The following FRMD4A variants were observed in gnomAD, a reference collection of about 807,000 sequenced individuals.
FRMD4A encodes FERM domain containing 4A.
Under a neutral mutation model 129.1 loss-of-function variants are expected in FRMD4A, and 29 were observed. That is an observed-to-expected ratio of 0.22 (90% CI 0.17 to 0.31). The LOEUF (loss-of-function observed/expected upper bound fraction) is 0.31, where lower values mean the gene tolerates loss of function less well. Ranked by LOEUF, FRMD4A falls within the 10% of genes least tolerant of loss-of-function variation. The probability of loss-of-function intolerance (pLI) is 1.00; values close to 1 mark genes in which losing one functional copy is unlikely to be tolerated. For missense variants in FRMD4A, 1,272 were observed against 1,375.8 expected (o/e 0.92, Z 1.19); for synonymous variants, 634 against 571.6 (o/e 1.11, Z -1.56).
intron 2 of FRMD4A, among the ~76,000 whole-genome samples, chr10:14,004,602 G>A (rs909484666): frequency 6.6e-6 from 1 of 152,088 alleles, no homozygotes; most frequent in Non-Finnish European, 1.5e-5. Context: ...ACAAAGACAG[G>A]CAATCTTAAA....
chr10:13,740,326 C>CAT (rs1280914962), intron 10 of FRMD4A, 75 bp from the exon 11 acceptor site: 5 of 1,042,422 alleles, frequency 4.8e-6, no homozygotes, highest in African/African-American at 1.6e-5. Flanking sequence ...GATCTGGTAT[C>CAT]ATATATATAT....
At chr10:14,231,435 C>T (rs749068009) in intron 2 of FRMD4A, among the ~76,000 whole-genome samples, 8 of 152,038 alleles carry the variant, frequency 5.3e-5, no homozygotes, top group Non-Finnish European at 7.4e-5. Context: ...CTCCACCTCC[C>T]GGGTTCACAC....
chr10:13,954,290 A>G (rs1040435720), intron 2 of FRMD4A, among the ~76,000 whole-genome samples: 1 of 152,212 alleles, frequency 6.6e-6, no homozygotes, highest in Non-Finnish European at 1.5e-5. Flanking sequence ...AAGTGGTTTA[A>G]TGGACTCACG....
intron 14 of FRMD4A, among the ~76,000 whole-genome samples, chr10:13,698,483 A>G (rs2086453199): frequency 6.6e-6 from 1 of 152,374 alleles, no homozygotes; most frequent in East Asian, 1.9e-4. Flanking sequence ...TATAAAGAAC[A>G]TTCCAGAAAC....
chr10:14,170,314 G>A (rs1156730370), intron 2 of FRMD4A, among the ~76,000 whole-genome samples: 3 of 152,258 alleles, frequency 2.0e-5, no homozygotes, highest in South Asian at 2.1e-4. Flanking sequence ...AGGACTCGCC[G>A]GACATGATTC....
chr10:13,733,421 A>G (rs1012270109), intron 12 of FRMD4A, among the ~76,000 whole-genome samples: 1 of 151,068 alleles, frequency 6.6e-6, no homozygotes, highest in Non-Finnish European at 1.5e-5. Flanking sequence ...GCTTTCCCTC[A>G]AGGGCTTTTC....
intron 2 of FRMD4A, among the ~76,000 whole-genome samples, chr10:14,142,386 T>A (rs1289185274): frequency 6.6e-6 from 1 of 152,238 alleles, no homozygotes; most frequent in Non-Finnish European, 1.5e-5. Flanking sequence ...AGTAAAATGC[T>A]GACCCTTCCA....
At chr10:14,209,378 T>C (rs767815091) in intron 2 of FRMD4A, among the ~76,000 whole-genome samples, 1 of 152,116 alleles carries the variant, frequency 6.6e-6, no homozygotes, top group East Asian at 1.9e-4. Flanking sequence ...AATCTGTACA[T>C]GTAGTTAAAT....
intron 14 of FRMD4A, 101 bp downstream of exon 14, chr10:13,701,239 C>G: frequency 2.8e-6 from 3 of 1,081,010 alleles, no homozygotes; most frequent in Admixed American, 1.9e-5. Context: ...GGTATGGACC[C>G]GGGCAAGGGA....
chr10:13,705,256 C>A (rs935409461), intron 13 of FRMD4A, among the ~76,000 whole-genome samples: 1 of 152,180 alleles, frequency 6.6e-6, no homozygotes, highest in African/African-American at 2.4e-5. Flanking sequence ...TGAATAGTCA[C>A]GTGTGAGATC....
intron 2 of FRMD4A, among the ~76,000 whole-genome samples, chr10:14,163,956 G>T (rs561319817): frequency 6.6e-6 from 1 of 152,170 alleles, no homozygotes; most frequent in South Asian, 2.1e-4. Context: ...TGGTCCACCA[G>T]CCCCGAGGCG....
intron 2 of FRMD4A, among the ~76,000 whole-genome samples, chr10:14,115,551 C>T (rs1838156374): frequency 6.6e-6 from 1 of 152,042 alleles, no homozygotes; most frequent in Admixed American, 6.5e-5. Context: ...AATGTGACTC[C>T]CAGTGTTGGA....
intron 8 of FRMD4A, among the ~76,000 whole-genome samples, chr10:13,753,343 G>C (rs1347171277): frequency 1.3e-5 from 2 of 152,144 alleles, no homozygotes; most frequent in Non-Finnish European, 2.9e-5. Context: ...ATTGGGTTGG[G>C]TCCCATCTGT....
chr10:13,716,932 G>A (rs1323027890), intron 12 of FRMD4A, among the ~76,000 whole-genome samples: 2 of 151,404 alleles, frequency 1.3e-5, no homozygotes, highest in Non-Finnish European at 3.0e-5. Flanking sequence ...AGAGAAGCTG[G>A]AATTGTTTTT....
chr10:14,016,134 G>A (rs1230384198), intron 2 of FRMD4A, among the ~76,000 whole-genome samples: 1 of 152,248 alleles, frequency 6.6e-6, no homozygotes, highest in African/African-American at 2.4e-5. Flanking sequence ...GTCTGCATGT[G>A]AAAATGTCAT....
At chr10:14,261,941 A>AACACACACAC (rs55763234) in intron 2 of FRMD4A, among the ~76,000 whole-genome samples, 2,268 of 128,266 alleles carry the variant, frequency 0.018, 37 homozygotes, top group East Asian at 0.035. Flanking sequence ...CACCACACCA[A>AACACACACAC]ACACACACAC....
intron 8 of FRMD4A, among the ~76,000 whole-genome samples, chr10:13,760,424 C>T (rs2130694762): frequency 6.6e-6 from 1 of 152,176 alleles, no homozygotes; most frequent in Middle Eastern, 3.4e-3. Context: ...GAGGCTGAGG[C>T]AGGAGGATCA....
intron 21 of FRMD4A, among the ~76,000 whole-genome samples, chr10:13,658,813 C>T (rs1177330331): frequency 6.9e-6 from 1 of 145,506 alleles, no homozygotes; most frequent in Non-Finnish European, 1.5e-5. Flanking sequence ...ACACGGGAGG[C>T]AGAGGTTGCA....
chr10:14,087,363 T>TTATAGAATTATAGAAA (rs1420235743), intron 2 of FRMD4A, among the ~76,000 whole-genome samples: 5 of 147,950 alleles, frequency 3.4e-5, no homozygotes, highest in African/African-American at 9.8e-5. Context: ...AAAATTATAT[T>TTATAGAATTATAGAAA]TATAGAATTA....
Sources: allele counts gnomAD v4.1 joint callset (sites outside exome capture counted in the v4.1 genomes callset), GRCh38; gene constraint gnomAD v4.1.1; transcripts MANE v1.5; gene names NCBI Gene and HGNC (gene_info 2026-07-23, HGNC 2026-07-21).